The following GIMAP7 variants were observed in gnomAD, a reference collection of about 807,000 sequenced individuals.
The protein encoded by GIMAP7 is GTPase IMAP family member 7.
For missense variants in GIMAP7, 323 were observed against 359.7 expected, an observed-to-expected ratio of 0.90 and a Z score of 0.83; for synonymous variants, 137 against 129.3, an observed-to-expected ratio of 1.06 and a Z score of -0.40.
chr7:150,520,470 G>A lies in GIMAP7; in HGVS notation c.496G>A (p.Ala166Thr), dbSNP rs769675039. ...CAAGGAGTGCGGGAACCGCTGCTGT[G>A]CCTTTAGCAACAGCAAGAAAACCAG... ...IVKECGNRCCAFSNSKKTSKA... is the reference protein window; with the variant it reads ...IVKECGNRCCTFSNSKKTSKA... The change falls in exon 2 of 2, where the codon GCC (alanine) becomes ACC (threonine). Residue 166 changes from alanine (A) to threonine (T), a missense_variant. Ala to Thr is a moderately conservative substitution (Grantham distance 58). Transcript: ENST00000313543. 2 of 1,614,216 alleles carry A rather than the reference G, an allele frequency of 1.2e-6. No individual in the cohort carries two copies. Among genetic ancestry groups the A allele is most frequent in the South Asian group, 2.2e-5 (2 of 91,088 alleles).
Position 150,520,527 on chromosome 7 carries a change from T to C in GIMAP7, c.553T>C (p.Leu185=), listed in dbSNP as rs779367825. Residue 185 remains leucine, a synonymous_variant, in exon 2 of 2, where the codon TTG becomes CTG. Transcript: ENST00000313543. ...AGAGAAGGAAAGTCAAGTGCAGGAG[T>C]TGGTGGAGCTGATAGAGAAAATGGT... The part of the protein sequence containing the change: ...KAEKESQVQE[L]VELIEKMVQC... 3.7e-6 allele frequency: 6 copies of C among 1,613,670 alleles called. No homozygotes were observed. The highest frequency in any genetic ancestry group is 5.1e-6 in the Non-Finnish European group (6 of 1,179,936).
chr7:150,520,481 C>T lies in GIMAP7; in HGVS notation c.507C>T (p.Asn169=), dbSNP rs1795178142. 1 of 1,614,162 alleles carries T rather than the reference C, an allele frequency of 6.2e-7. No individual in the cohort carries two copies. The highest frequency in any genetic ancestry group is 8.5e-7 in the Non-Finnish European group (1 of 1,180,040). Reference sequence around the variant, plus strand: ...GGAACCGCTGCTGTGCCTTTAGCAACAGCAAGAAAACCAGTAAGGCAGAGA... The same window carrying T: ...GGAACCGCTGCTGTGCCTTTAGCAATAGCAAGAAAACCAGTAAGGCAGAGA... ...ECGNRCCAFS[N]SKKTSKAEKE... Residue 169 remains asparagine (N), a synonymous_variant, in exon 2 of 2, where the codon AAC becomes AAT. Coordinates refer to ENST00000313543, the MANE Select transcript of GIMAP7 (RefSeq NM_153236.4).
At chr7:150,517,911 G>A (rs73726887) in intron 1 of GIMAP7, among the ~76,000 whole-genome samples, 191 of 151,910 alleles carry the variant, frequency 1.3e-3, no homozygotes, top group African/African-American at 4.3e-3. Flanking sequence ...AAATGGTTCT[G>A]CCATTGCTTT....
Position 150,520,283 on chromosome 7 carries a change from C to G in GIMAP7, c.309C>G (p.Arg103=). 1.2e-6 allele frequency: 2 copies of G among 1,614,154 alleles called. No homozygotes were observed. Among genetic ancestry groups the G allele is most frequent in the Non-Finnish European group, 1.7e-6 (2 of 1,180,038 alleles). ...TTGTCCTAGTTCTGCTGCTGGGCCGCTACACAGAGGAGGAGCAGAAAACCG... is the reference window on the plus strand; with the variant it reads ...TTGTCCTAGTTCTGCTGCTGGGCCGGTACACAGAGGAGGAGCAGAAAACCG... ...HAIVLVLLLG[R]YTEEEQKTVA... Residue 103 remains arginine (R), a synonymous_variant, in exon 2 of 2, where the codon CGC becomes CGG. Coordinates refer to ENST00000313543, the MANE Select transcript of GIMAP7 (RefSeq NM_153236.4).
At chr7:150,515,919 C>T (rs1188741779) in intron 1 of GIMAP7, among the ~76,000 whole-genome samples, 1 of 152,046 alleles carries the variant, frequency 6.6e-6, no homozygotes, top group Non-Finnish European at 1.5e-5. Context: ...TTGCCCTCCA[C>T]TGGTCTATCT....
intron 1 of GIMAP7, among the ~76,000 whole-genome samples, chr7:150,516,028 G>C (rs1162402876): frequency 6.6e-6 from 1 of 152,208 alleles, no homozygotes; most frequent in Non-Finnish European, 1.5e-5. Flanking sequence ...GATTCAGACA[G>C]ACTTTGAATC....
chr7:150,520,628 G>A lies in GIMAP7; in HGVS notation c.654G>A (p.Glu218=), dbSNP rs1795180079. 1 of 1,613,858 alleles carries A rather than the reference G, an allele frequency of 6.2e-7. No homozygotes were observed. The highest frequency in any genetic ancestry group is 1.3e-5 in the African/African-American group (1 of 74,822). The part of the protein sequence containing the change: ...DTEERLKQRE[E]VLRKIYTDQL... ...AGGAAAGGCTGAAACAACGGGAAGA[G>A]GTTTTGAGGAAAATCTACACTGACC... Residue 218 remains glutamate, a synonymous_variant, in exon 2 of 2, where the codon GAG becomes GAA. Transcript: ENST00000313543.
chr7:150,519,719 A>C (rs116611645), intron 1 of GIMAP7, among the ~76,000 whole-genome samples: 1,585 of 152,310 alleles, frequency 0.01, 16 homozygotes, highest in Middle Eastern at 0.048. Flanking sequence ...GAAACCATCT[A>C]TACCTGGTAC....
At chr7:150,519,242 A>G (rs1488727351) in intron 1 of GIMAP7, among the ~76,000 whole-genome samples, 2 of 152,308 alleles carry the variant, frequency 1.3e-5, no homozygotes, top group South Asian at 4.1e-4. Flanking sequence ...TTAGTTCCAG[A>G]AAAAAAGATG....
intron 1 of GIMAP7, among the ~76,000 whole-genome samples, chr7:150,518,239 G>A (rs562259740): frequency 6.6e-6 from 1 of 152,172 alleles, no homozygotes; most frequent in South Asian, 2.1e-4. Flanking sequence ...AAATGCATGT[G>A]TAATTTTTCA....
intron 1 of GIMAP7, among the ~76,000 whole-genome samples, chr7:150,519,343 G>A (rs1160808732): frequency 5.3e-5 from 8 of 152,104 alleles, no homozygotes; most frequent in Admixed American, 4.6e-4. Context: ...ATGAATCAGT[G>A]TTAAATTTGG....
intron 1 of GIMAP7, among the ~76,000 whole-genome samples, chr7:150,516,203 C>T (rs1795135762): frequency 6.6e-6 from 1 of 152,162 alleles, no homozygotes; most frequent in Non-Finnish European, 1.5e-5. Context: ...CATGTTTTAT[C>T]AGGGTGTTCT....
rs748255904 is a variant in GIMAP7 at position 150,520,091 on chromosome 7, T to C, written c.117T>C (p.Ala39=). ...LGEEIFDSRI[A]AQAVTKNCQK... ...AGGAAATCTTTGATTCTAGAATTGC[T>C]GCCCAAGCTGTTACCAAGAACTGTC... The change falls in exon 2 of 2, where the codon GCT becomes GCC. Residue 39 remains alanine, a synonymous_variant. Coordinates refer to ENST00000313543, the MANE Select transcript of GIMAP7 (RefSeq NM_153236.4). The C allele has an allele frequency of 8.7e-6, 14 of 1,614,080 alleles. No homozygotes were observed. In the African/African-American group the frequency reaches 1.1e-4, roughly 12 times the overall value.
At chr7:150,517,290 A>G (rs1795144670) in intron 1 of GIMAP7, among the ~76,000 whole-genome samples, 1 of 152,232 alleles carries the variant, frequency 6.6e-6, no homozygotes, top group Admixed American at 6.5e-5. Context: ...AATCTTTATT[A>G]ATGATGCTCA....
intron 1 of GIMAP7, among the ~76,000 whole-genome samples, chr7:150,517,658 C>G (rs548610500): frequency 6.6e-6 from 1 of 152,030 alleles, no homozygotes; most frequent in Non-Finnish European, 1.5e-5. Flanking sequence ...CAGGACAAAT[C>G]TTTGTGTGGT....
chr7:150,520,919 A>G lies in GIMAP7; in HGVS notation c.*42A>G, dbSNP rs754925440. On this transcript the variant is annotated 3_prime_UTR_variant, in exon 2 of 2. Transcript: ENST00000313543. Reference sequence around the variant, plus strand: ...AATGGATGAATTGTATTTTGCAAAGATAGTTAGAGAAATACCTCCTTCCCC... The same window carrying G: ...AATGGATGAATTGTATTTTGCAAAGGTAGTTAGAGAAATACCTCCTTCCCC... The G allele has an allele frequency of 6.2e-5, 66 of 1,056,640 alleles. No individual in the cohort carries two copies. The highest frequency in any genetic ancestry group is 8.5e-5 in the Non-Finnish European group (65 of 760,816). 65.5% of individuals were successfully genotyped at this position (1,056,640 alleles called of 1,614,324 possible).
intron 1 of GIMAP7, among the ~76,000 whole-genome samples, chr7:150,516,671 C>T (rs1795140008): frequency 6.6e-6 from 1 of 152,174 alleles, no homozygotes; most frequent in African/African-American, 2.4e-5. Flanking sequence ...TGTAGGTTTT[C>T]ACCTTCCTTG....
rs1554498935 is a variant in GIMAP7, at chr7:150,520,770, G to T, written c.796G>T (p.Glu266Ter). 6.7e-7 allele frequency: 1 copy of T among 1,500,450 alleles called. No homozygotes were observed. 92.9% of individuals were successfully genotyped at this position (1,500,450 alleles called of 1,614,324 possible). The stretch of plus-strand genomic sequence containing the variant: ...TGATGAAAAAATAAAAAATATAAGG[G>T]AAGAAGCTGAGAGAAATATATTTAA... ...KYDEKIKNIR[E>*]EAERNIFKDV... The change falls in exon 2 of 2, where the codon GAA (glutamate) becomes TAA (stop). Residue 266 changes from glutamate (E) to a stop codon, truncating the protein, a stop_gained. Coordinates refer to ENST00000313543, the MANE Select transcript of GIMAP7 (RefSeq NM_153236.4). LOFTEE classifies it low-confidence loss of function (END_TRUNC).
chr7:150,518,670 T>C (rs1234425335), intron 1 of GIMAP7, among the ~76,000 whole-genome samples: 1 of 152,144 alleles, frequency 6.6e-6, no homozygotes, highest in Non-Finnish European at 1.5e-5. Flanking sequence ...CCTATGGTGT[T>C]GTATGCCTTA....
Sources: gnomAD v4.1 joint callset for allele counts (sites outside exome capture counted in the v4.1 genomes callset) on GRCh38, gnomAD v4.1.1 for gene constraint, MANE v1.5 for transcripts, NCBI Gene and HGNC (gene_info 2026-07-23, HGNC 2026-07-21) for gene names.